Variants in MARCHF3 observed in about 807,000 individuals in gnomAD.
MARCHF3 encodes the protein membrane associated ring-CH-type finger 3.
In MARCHF3, 13 loss-of-function variants were observed where a neutral mutation model predicts 24.2. The observed-to-expected ratio is 0.54, with a 90% CI of 0.35 to 0.85. The LOEUF (loss-of-function observed/expected upper bound fraction) is 0.85, where lower values mean the gene tolerates loss of function less well. Ranked by LOEUF, MARCHF3 falls within the 40% of genes least tolerant of loss-of-function variation. The pLI, the probability that MARCHF3 is intolerant of heterozygous loss-of-function variation, is 0.01. For missense variants in MARCHF3, 276 were observed against 325.0 expected (o/e 0.85, Z 1.16); for synonymous variants, 144 against 137.3 (o/e 1.05, Z -0.34).
At chr5:126,974,556 A>G (rs78737778) in intron 1 of MARCHF3, among the ~76,000 whole-genome samples, 5 of 152,332 alleles carry the variant, frequency 3.3e-5, no homozygotes, top group African/African-American at 1.2e-4. Flanking sequence ...TCTGTTACCA[A>G]AGGAATGATT....
intron 1 of MARCHF3, among the ~76,000 whole-genome samples, chr5:126,988,361 AC>A (rs1751637551): frequency 6.6e-6 from 1 of 152,198 alleles, no homozygotes; most frequent in South Asian, 2.1e-4. Context: ...GAAAAATAAA[AC>A]TCAGCCCCTT....
chr5:126,967,202 T>A (rs1184029320), intron 1 of MARCHF3, among the ~76,000 whole-genome samples: 1 of 151,946 alleles, frequency 6.6e-6, no homozygotes, highest in Non-Finnish European at 1.5e-5. Context: ...ATCCAGCAAT[T>A]GATTGGTTTC....
intron 3 of MARCHF3, among the ~76,000 whole-genome samples, chr5:126,908,441 G>A (rs1214766455): frequency 1.3e-5 from 2 of 152,128 alleles, no homozygotes; most frequent in Non-Finnish European, 2.9e-5. Flanking sequence ...CATTCTCCCT[G>A]TCACTTTCAG....
At chr5:126,947,514 C>A (rs1750071238) in intron 1 of MARCHF3, among the ~76,000 whole-genome samples, 1 of 152,088 alleles carries the variant, frequency 6.6e-6, no homozygotes, top group African/African-American at 2.4e-5. Context: ...TTGTCCAAAA[C>A]CTTAGATTAT....
At chr5:126,876,802 A>G (rs1347361942) in intron 4 of MARCHF3, among the ~76,000 whole-genome samples, 2 of 152,108 alleles carry the variant, frequency 1.3e-5, no homozygotes, top group Non-Finnish European at 2.9e-5. Context: ...GACATGCACC[A>G]CGATGCCCAG....
intron 1 of MARCHF3, among the ~76,000 whole-genome samples, chr5:126,987,101 G>C (rs1487833250): frequency 6.6e-6 from 1 of 152,182 alleles, no homozygotes; most frequent in Non-Finnish European, 1.5e-5. Context: ...CATATGGGTA[G>C]GCCTCATCTA....
chr5:126,932,874 G>A (rs1362500465), intron 1 of MARCHF3, among the ~76,000 whole-genome samples: 3 of 152,148 alleles, frequency 2.0e-5, no homozygotes, highest in Non-Finnish European at 4.4e-5. Context: ...AGATACAGAG[G>A]AATGAATGGT....
intron 1 of MARCHF3, among the ~76,000 whole-genome samples, chr5:127,008,944 G>C (rs1752398673): frequency 6.6e-6 from 1 of 150,938 alleles, no homozygotes; most frequent in African/African-American, 2.4e-5. Context: ...TAACCTTGCA[G>C]CTTCAGCTCA....
intron 1 of MARCHF3, among the ~76,000 whole-genome samples, chr5:126,963,685 A>C (rs1015194944): frequency 6.6e-6 from 1 of 152,178 alleles, no homozygotes; most frequent in Non-Finnish European, 1.5e-5. Context: ...ATTAAGAAAA[A>C]ATCTGGTGGG....
intron 1 of MARCHF3, among the ~76,000 whole-genome samples, chr5:126,992,054 C>T (rs1232638726): frequency 6.6e-6 from 1 of 152,174 alleles, no homozygotes; most frequent in Admixed American, 6.5e-5. Flanking sequence ...GAACGGCATC[C>T]TGTGGGCTTA....
intron 3 of MARCHF3, among the ~76,000 whole-genome samples, chr5:126,911,216 T>C (rs1754518774): frequency 6.6e-6 from 1 of 152,186 alleles, no homozygotes; most frequent in Non-Finnish European, 1.5e-5. Flanking sequence ...TGCCTCCATT[T>C]GCCTTGTGAT....
At chr5:126,945,364 G>A (rs1749974448) in intron 1 of MARCHF3, among the ~76,000 whole-genome samples, 1 of 152,236 alleles carries the variant, frequency 6.6e-6, no homozygotes, top group South Asian at 2.1e-4. Context: ...ATAGCACAGA[G>A]GAACCTGGGC....
chr5:126,870,584 C>T lies in MARCHF3; in HGVS notation c.*49G>A. The T allele has an allele frequency of 5.0e-6, 8 of 1,594,656 alleles. No individual in the cohort carries two copies. The highest frequency in any genetic ancestry group is 6.9e-6 in the Non-Finnish European group (8 of 1,165,640). On this transcript the variant is annotated 3_prime_UTR_variant, in exon 5 of 5. Coordinates refer to ENST00000308660, the MANE Select transcript of MARCHF3 (RefSeq NM_178450.5). ...TCAGTGCATGACCCCAGTGCAGACA[C>T]TTCCAAACCCCAAACAATGAATCAA...
chr5:126,955,448 C>A (rs2126818691), intron 1 of MARCHF3, among the ~76,000 whole-genome samples: 1 of 152,240 alleles, frequency 6.6e-6, no homozygotes, highest in Admixed American at 6.5e-5. Flanking sequence ...CACTACATGC[C>A]CAGTTTCGTT....
chr5:126,968,771 C>T (rs58262537), intron 1 of MARCHF3, among the ~76,000 whole-genome samples: 7,860 of 152,140 alleles, frequency 0.052, 378 homozygotes, highest in South Asian at 0.14. Context: ...TACAGGGTTT[C>T]GCCATGTTGG....
chr5:126,920,115 A>C (rs978264600), intron 1 of MARCHF3, among the ~76,000 whole-genome samples: 2 of 151,962 alleles, frequency 1.3e-5, no homozygotes, highest in African/African-American at 4.8e-5. Context: ...ACACAATAAA[A>C]CTCACTCATA....
chr5:126,870,437 T>A lies in MARCHF3; in HGVS notation c.*196A>T. The A allele has an allele frequency of 2.0e-6, 1 of 510,394 alleles. No homozygotes were observed. The highest frequency in any genetic ancestry group is 3.5e-6 in the Non-Finnish European group (1 of 283,724). The allele number at this position is 510,394 out of a possible 1,614,324, so 31.6% of individuals were successfully genotyped here. Reference sequence around the variant, plus strand: ...TAGCAAATATCATATGATTGCAGCATCCATCATTTGAAGTAAAACAGCATT... The same window carrying A: ...TAGCAAATATCATATGATTGCAGCAACCATCATTTGAAGTAAAACAGCATT... On this transcript the variant is annotated 3_prime_UTR_variant, in exon 5 of 5. Transcript: ENST00000308660.
At chr5:127,018,625 G>A (rs1411557591) in intron 1 of MARCHF3, among the ~76,000 whole-genome samples, 1 of 152,140 alleles carries the variant, frequency 6.6e-6, no homozygotes, top group Non-Finnish European at 1.5e-5. Flanking sequence ...ACCAGAGGTG[G>A]GAATGGGACT....
rs187733466 is a variant in MARCHF3 at position 126,960,934 on chromosome 5, T to C, written c.-56-42707A>G. On this transcript the variant is annotated intron_variant, in intron 1 of 4. Coordinates refer to ENST00000308660, the MANE Select transcript of MARCHF3 (RefSeq NM_178450.5). ...TAGAAAAATGATCAGACAATAAATA[T>C]TCTGATTAGAAGCTAAGTACTCACT... Among the ~76,000 whole-genome samples the C allele has an allele frequency of 3.7e-3, 561 of 152,258 alleles. 1 individual carries two copies. The highest frequency in any genetic ancestry group is 6.8e-3 in the Middle Eastern group (2 of 294).
Sources: gnomAD v4.1 joint callset for allele counts (sites outside exome capture counted in the v4.1 genomes callset) on GRCh38, gnomAD v4.1.1 for gene constraint, MANE v1.5 for transcripts, NCBI Gene and HGNC (gene_info 2026-07-23, HGNC 2026-07-21) for gene names.